Variants in MAGT1 observed in about 807,000 individuals in gnomAD.
The protein encoded by MAGT1 is magnesium transporter 1.
MAGT1 carries 4 observed loss-of-function variants against 28.4 expected under a neutral mutation model. The observed-to-expected ratio is 0.14, with a 90% CI of 0.07 to 0.32. MAGT1 has a LOEUF of 0.32. Ranked by LOEUF, MAGT1 falls within the 10% of genes least tolerant of loss-of-function variation. The pLI is 1.00. For missense variants in MAGT1, 193 were observed against 264.5 expected, an observed-to-expected ratio of 0.73 and a Z score of 1.88; for synonymous variants, 89 against 89.7, an observed-to-expected ratio of 0.99 and a Z score of 0.04.
intron 1 of MAGT1, among the ~76,000 whole-genome samples, chrX:77,879,148 C>T (rs2077044147): frequency 1.8e-5 from 2 of 109,727 alleles, no homozygotes; most frequent in African/African-American, 6.6e-5. Context: ...CCTCCCCCTG[C>T]TGGGTTCATG....
intron 7 of MAGT1, among the ~76,000 whole-genome samples, chrX:77,852,234 G>T (rs1557215590): frequency 1.8e-5 from 2 of 112,386 alleles, no homozygotes; most frequent in Non-Finnish European, 3.8e-5. Context: ...TGGACTAGGT[G>T]TATATTGTTA....
intron 3 of MAGT1, among the ~76,000 whole-genome samples, chrX:77,865,999 A>G (rs782632554): frequency 6.1e-5 from 4 of 65,526 alleles, no homozygotes; most frequent in African/African-American, 1.4e-4. Context: ...TCTACTAAAA[A>G]TTAAAAAAAA....
intron 4 of MAGT1, 52 bp downstream of exon 4, chrX:77,857,305 G>A: frequency 8.3e-7 from 1 of 1,202,661 alleles, no homozygotes; most frequent in Non-Finnish European, 1.1e-6. Context: ...CTCCCAGTAA[G>A]ATTCAAAGGG....
chrX:77,843,931 G>C (rs1395673521), intron 7 of MAGT1, among the ~76,000 whole-genome samples: 1 of 111,593 alleles, frequency 9.0e-6, no homozygotes, highest in Non-Finnish European at 1.9e-5. Flanking sequence ...GTGTCTGCCA[G>C]GCTTTGGTAT....
At chrX:77,834,957 C>CT (rs1217379123) in intron 8 of MAGT1, among the ~76,000 whole-genome samples, 2,641 of 96,606 alleles carry the variant, frequency 0.027, 48 homozygotes, top group Middle Eastern at 0.048. Context: ...AACATAAAAT[C>CT]TTTTTTTTTT....
intron 1 of MAGT1, among the ~76,000 whole-genome samples, chrX:77,888,470 G>C (rs2077073103): frequency 9.0e-6 from 1 of 111,309 alleles, no homozygotes; most frequent in African/African-American, 3.3e-5. Context: ...AAGTGTTATA[G>C]AAATCTATAA....
chrX:77,875,768 C>T (rs1345682073), intron 1 of MAGT1, among the ~76,000 whole-genome samples, 171 bp from the exon 2 acceptor site: 2 of 110,515 alleles, frequency 1.8e-5, no homozygotes, highest in Non-Finnish European at 3.8e-5. Flanking sequence ...TCTTAAAATA[C>T]ATTATTTCAT....
intron 7 of MAGT1, among the ~76,000 whole-genome samples, chrX:77,846,703 G>T (rs1415701683): frequency 8.9e-6 from 1 of 112,101 alleles, no homozygotes; most frequent in Non-Finnish European, 1.9e-5. Flanking sequence ...GTTCCCTCCA[G>T]ACCCTGTTGG....
intron 1 of MAGT1, among the ~76,000 whole-genome samples, chrX:77,886,100 G>A (rs1299524766): frequency 9.0e-6 from 1 of 111,723 alleles, no homozygotes; most frequent in Non-Finnish European, 1.9e-5. Context: ...TGGGATTACA[G>A]GCTCAAACCA....
At chrX:77,830,424 T>C (rs371459460) in intron 9 of MAGT1, among the ~76,000 whole-genome samples, 20 of 110,827 alleles carry the variant, frequency 1.8e-4, no homozygotes, top group Non-Finnish European at 3.2e-4. Flanking sequence ...GTCCAAGACC[T>C]GATCAACATG....
At chrX:77,834,236 A>G (rs1345269596) in intron 8 of MAGT1, among the ~76,000 whole-genome samples, 8 of 77,848 alleles carry the variant, frequency 1.0e-4, no homozygotes, top group African/African-American at 2.7e-4. Context: ...GCATATATGT[A>G]TATATATGCA....
chrX:77,833,077 A>G (rs2076903744), intron 8 of MAGT1, among the ~76,000 whole-genome samples: 1 of 112,010 alleles, frequency 8.9e-6, no homozygotes, highest in Non-Finnish European at 1.9e-5. Context: ...CTGATTTTCA[A>G]TGTGAAAATA....
chrX:77,882,340 A>C (rs1447836838), intron 1 of MAGT1, among the ~76,000 whole-genome samples: 1 of 111,803 alleles, frequency 8.9e-6, no homozygotes. Context: ...TTCAATTAGG[A>C]AAAGAGGAAG....
intron 8 of MAGT1, 75 bp from the exon 9 acceptor site, chrX:77,830,970 T>TTTATTTTA (rs2076896418): frequency 5.5e-6 from 1 of 181,564 alleles, no homozygotes; most frequent in Non-Finnish European, 9.9e-6. Context: ...ATACTTTCTT[T>TTTATTTTA]TTTTATTTTA....
intron 8 of MAGT1, among the ~76,000 whole-genome samples, chrX:77,839,318 C>A (rs1284181829): frequency 4.8e-4 from 50 of 104,188 alleles, no homozygotes; most frequent in African/African-American, 1.3e-3. Context: ...ACAACAACAA[C>A]AACAAAACCA....
intron 1 of MAGT1, among the ~76,000 whole-genome samples, chrX:77,891,317 T>TCTATCTATCTAG (rs2077081766): frequency 1.0e-5 from 1 of 100,348 alleles, no homozygotes; most frequent in African/African-American, 3.7e-5. Context: ...AGTTCCCTCA[T>TCTATCTATCTAG]CTATCTATCT....
At chrX:77,841,594 T>C (rs1277213106) in intron 7 of MAGT1, among the ~76,000 whole-genome samples, 1 of 111,023 alleles carries the variant, frequency 9.0e-6, no homozygotes, top group African/African-American at 3.3e-5. Flanking sequence ...GAAATATGAG[T>C]TTTCCCGAAA....
Position 77,867,344 on chromosome X carries a change from T to A in MAGT1, c.390+3464A>T, listed in dbSNP as rs937972430. 1.5e-4 allele frequency among the ~76,000 whole-genome samples: 10 copies of A among 66,229 alleles called. 3 individuals carry two copies. The highest frequency in any genetic ancestry group is 2.1e-4 in the African/African-American group (6 of 28,544). 57.5% of individuals were successfully genotyped at this position (66,229 alleles called of 115,157 possible). A position where few individuals can be genotyped will look rare whatever the true frequency, so the allele number is the denominator to read the frequency against. On this transcript the variant is annotated intron_variant, in intron 3 of 9. Transcript: ENST00000618282. Reference sequence around the variant, plus strand: ...TTTGTTATTGTTGTTTTCTTAAGAGTTGGGGTCTGGCTCTGCTGCTCAGGC... The same window carrying A: ...TTTGTTATTGTTGTTTTCTTAAGAGATGGGGTCTGGCTCTGCTGCTCAGGC...
intron 8 of MAGT1, among the ~76,000 whole-genome samples, chrX:77,837,690 G>C (rs1448157314): frequency 1.8e-5 from 2 of 112,157 alleles, no homozygotes; most frequent in African/African-American, 6.5e-5. Flanking sequence ...AGAAGTTAAA[G>C]TAAATATTAG....
Sources: gnomAD v4.1 joint callset for allele counts (sites outside exome capture counted in the v4.1 genomes callset) on GRCh38, gnomAD v4.1.1 for gene constraint, MANE v1.5 for transcripts, NCBI Gene and HGNC (gene_info 2026-07-23, HGNC 2026-07-21) for gene names.